The following RAVER2 variants were observed in gnomAD, a reference collection of about 807,000 sequenced individuals.
RAVER2 encodes the protein ribonucleoprotein, PTB binding 2, also known as ribonucleoprotein PTB-binding 2.
RAVER2 carries 46 observed loss-of-function variants against 78.1 expected under a neutral mutation model. The observed-to-expected ratio is 0.59, with a 90% confidence interval of 0.46 to 0.75. The LOEUF (loss-of-function observed/expected upper bound fraction) is 0.75. Ranked by LOEUF, RAVER2 falls within the 30% of genes least tolerant of loss-of-function variation. The probability of loss-of-function intolerance (pLI) is 0.00; values close to 1 mark genes in which losing one functional copy is unlikely to be tolerated. For missense variants in RAVER2, 793 were observed against 837.5 expected (o/e 0.95, Z 0.66); for synonymous variants, 311 against 313.3 (o/e 0.99, Z 0.08).
At position 64,789,499 on chromosome 1, in the gene RAVER2, C is replaced by T. The variant is rs764872090; in HGVS notation, c.1090C>T (p.Arg364Ter). ...TCTTCTACAGCCCCAGTTATGTGGA[C>T]GAGCTGTTAAACCAGGTATGGACCA... Residue 364 changes from arginine to a stop codon, truncating the protein, a stop_gained, in exon 5 of 12, where the codon CGA becomes TGA. Coordinates refer to ENST00000294428, the Ensembl canonical transcript of RAVER2. LOFTEE classifies it high-confidence loss of function. The T allele has an allele frequency of 1.2e-5, 20 of 1,604,556 alleles. No individual in the cohort carries two copies. The highest frequency in any genetic ancestry group is 1.7e-4 in the Middle Eastern group (1 of 6,030).
rs910382943 is a variant in RAVER2 at position 64,745,104 on chromosome 1, C to T, written c.-69C>T. On this transcript the variant is annotated 5_prime_UTR_variant, in exon 1 of 12. Transcript: ENST00000294428. This position sits in a 1 kb window ranked among gnomAD's most constrained non-coding sequence, Gnocchi z 4.3. ...GCCCGCCTCGCCCTCGCCCGGGCCTCCTCCCGCTTTCTCTCTCCGCTTCCC... is the reference window on the plus strand; with the variant it reads ...GCCCGCCTCGCCCTCGCCCGGGCCTTCTCCCGCTTTCTCTCTCCGCTTCCC... 2.3e-5 allele frequency: 23 copies of T among 1,011,842 alleles called. No individual in the cohort carries two copies. Among genetic ancestry groups the T allele is most frequent in the Non-Finnish European group, 2.6e-5 (22 of 848,168 alleles). 62.7% of individuals were successfully genotyped at this position (1,011,842 alleles called of 1,614,324 possible). A position where few individuals can be genotyped will look rare whatever the true frequency, so the allele number is the denominator to read the frequency against.
chr1:64,828,979 T>A (rs1295906149), intron 11 of RAVER2, among the ~76,000 whole-genome samples: 1 of 152,236 alleles, frequency 6.6e-6, no homozygotes, highest in African/African-American at 2.4e-5. Flanking sequence ...AGGCTTTGTC[T>A]TTATTGTAAG....
chr1:64,817,270 A>G (rs1653777668), intron 11 of RAVER2, among the ~76,000 whole-genome samples: 1 of 152,188 alleles, frequency 6.6e-6, no homozygotes, highest in Non-Finnish European at 1.5e-5. Context: ...GCTGGAGAGG[A>G]TGTGGTGAAA....
exon 4 of RAVER2, chr1:64,781,438 C>T (rs760149805): frequency 1.5e-5 from 24 of 1,613,436 alleles, no homozygotes; most frequent in South Asian, 1.2e-4. Flanking sequence ...TATAGCACTG[C>T]GGAGCAGGCT....
At chr1:64,751,565 A>G (rs1651699129) in intron 1 of RAVER2, among the ~76,000 whole-genome samples, 1 of 151,986 alleles carries the variant, frequency 6.6e-6, no homozygotes, top group Non-Finnish European at 1.5e-5. Context: ...TTCTTTCCTT[A>G]TGGACAAAAA....
intron 5 of RAVER2, among the ~76,000 whole-genome samples, chr1:64,795,287 G>A (rs192689865): frequency 6.6e-6 from 1 of 151,936 alleles, no homozygotes; most frequent in Non-Finnish European, 1.5e-5. Flanking sequence ...AAGTTGTTTG[G>A]CCATTCCAGG....
intron 5 of RAVER2, among the ~76,000 whole-genome samples, chr1:64,801,488 T>G (rs1480652237): frequency 6.6e-6 from 1 of 151,818 alleles, no homozygotes; most frequent in African/African-American, 2.4e-5. Flanking sequence ...CCTCTTTGTG[T>G]CTCTATATTA....
chr1:64,826,979 G>GT (rs1654018269), intron 11 of RAVER2, among the ~76,000 whole-genome samples: 2 of 152,206 alleles, frequency 1.3e-5, no homozygotes, highest in South Asian at 4.2e-4. Context: ...TTATGGGTAC[G>GT]TTTTAGACAT....
chr1:64,746,040 A>G (rs1423708755), intron 1 of RAVER2, among the ~76,000 whole-genome samples: 2 of 152,230 alleles, frequency 1.3e-5, no homozygotes, highest in Non-Finnish European at 1.5e-5. Context: ...CAAGTACAGT[A>G]CTGGAGGGTT....
exon 12 of RAVER2, chr1:64,832,291 TTC>T (rs1168313665): frequency 6.6e-6 from 1 of 152,596 alleles, no homozygotes; most frequent in African/African-American, 2.4e-5. Flanking sequence ...ACTCTCTGCT[TTC>T]TCTCTCACTC....
chr1:64,748,953 C>T (rs961278373), intron 1 of RAVER2, among the ~76,000 whole-genome samples: 2 of 152,168 alleles, frequency 1.3e-5, no homozygotes, highest in African/African-American at 4.8e-5. Flanking sequence ...TTCTCTCACC[C>T]TCTAAAGTAG....
At chr1:64,832,086 G>GAA (rs1389477857) in exon 12 of RAVER2, 3 of 152,602 alleles carry the variant, frequency 2.0e-5, no homozygotes, top group African/African-American at 7.2e-5. Context: ...AAGTGGAAAG[G>GAA]AACATGGGTT....
chr1:64,757,930 T>G (rs913277254), intron 1 of RAVER2, among the ~76,000 whole-genome samples: 8 of 152,304 alleles, frequency 5.3e-5, no homozygotes, highest in Middle Eastern at 6.8e-3. Flanking sequence ...TTTTATTTAC[T>G]TATTTGATCA....
rs1287462985 is a variant in RAVER2, at chr1:64,745,429, G to A, written c.249+8G>A. 1 of 1,526,336 alleles carries A rather than the reference G, an allele frequency of 6.6e-7. No individual in the cohort carries two copies. The highest frequency in any genetic ancestry group is 2.5e-5 in the East Asian group (1 of 39,244). 94.5% of individuals were successfully genotyped at this position (1,526,336 alleles called of 1,614,324 possible). On this transcript the variant is annotated splice_region_variant and intron_variant, in intron 1 of 11. Coordinates refer to ENST00000294428, the Ensembl canonical transcript of RAVER2. This position sits in a 1 kb window ranked among gnomAD's most constrained non-coding sequence, Gnocchi z 4.3. ...CAGGACAGCAACTGCCAGGTACTGG[G>A]ACGGTGATAGGGGCGACGCGTCCCG...
At chr1:64,789,584 A>T (rs1652880205) in intron 5 of RAVER2, 70 bp downstream of exon 5, 1 of 1,218,588 alleles carries the variant, frequency 8.2e-7, no homozygotes, top group South Asian at 2.7e-5. Context: ...CACATGTGAA[A>T]TATGGAAAAA....
intron 1 of RAVER2, among the ~76,000 whole-genome samples, chr1:64,746,850 G>A (rs1000127039): frequency 2.6e-5 from 4 of 152,128 alleles, no homozygotes; most frequent in African/African-American, 9.7e-5. Context: ...GGAAGGAGGA[G>A]GCTTGGAAGA....
At chr1:64,777,794 G>C (rs199595651) in exon 3 of RAVER2, 3 of 1,614,018 alleles carry the variant, frequency 1.9e-6, no homozygotes, top group Non-Finnish European at 2.5e-6. Flanking sequence ...GAACTTGTTC[G>C]TGCTTATGGA....
At chr1:64,773,471 G>A (rs1652377261) in intron 2 of RAVER2, among the ~76,000 whole-genome samples, 1 of 152,058 alleles carries the variant, frequency 6.6e-6, no homozygotes, top group Admixed American at 6.6e-5. Context: ...GAGAATGATG[G>A]TTTCCAGCTT....
At chr1:64,822,244 C>T (rs974736700) in intron 11 of RAVER2, among the ~76,000 whole-genome samples, 3 of 152,154 alleles carry the variant, frequency 2.0e-5, no homozygotes, top group Admixed American at 6.5e-5. Context: ...GCCAAGATTG[C>T]GCCACTGCAC....
Sources: allele counts gnomAD v4.1 joint callset (sites outside exome capture counted in the v4.1 genomes callset), GRCh38; gene constraint gnomAD v4.1.1; non-coding constraint Gnocchi (gnomAD v3.1); transcripts MANE v1.5; gene names NCBI Gene and HGNC (gene_info 2026-07-23, HGNC 2026-07-21).